PCMTD1: variants seen among roughly 807,000 people sequenced by gnomAD.
The protein encoded by PCMTD1 is protein-L-isoaspartate (D-aspartate) O-methyltransferase domain containing 1.
Under a neutral mutation model 37.6 loss-of-function variants are expected in PCMTD1, and 12 were observed. The observed-to-expected ratio is 0.32, with a 90% CI of 0.20 to 0.52. The LOEUF is 0.52. Among genes scored for constraint, PCMTD1 ranks in the 20% least tolerant of loss-of-function variants. The pLI is 0.97. For missense variants in PCMTD1, 235 were observed against 421.3 expected (o/e 0.56, Z 3.87); for synonymous variants, 117 against 135.8 (o/e 0.86, Z 0.96).
At chr8:51,883,762 A>C (rs564156352) in intron 1 of PCMTD1, among the ~76,000 whole-genome samples, 1 of 152,316 alleles carries the variant, frequency 6.6e-6, no homozygotes, top group South Asian at 2.1e-4. Flanking sequence ...CTGTGACAAA[A>C]GCAACAAAAT....
intron 5 of PCMTD1, among the ~76,000 whole-genome samples, chr8:51,825,917 AGTTCAACCATT>A (rs368531200): frequency 0.061 from 9,303 of 152,156 alleles, 378 homozygotes; most frequent in Non-Finnish European, 0.087. Context: ...AGTGTAAATT[AGTTCAACCATT>A]GTTCAACCAT....
intron 1 of PCMTD1, among the ~76,000 whole-genome samples, chr8:51,894,702 G>A (rs930574214): frequency 9.2e-5 from 14 of 151,826 alleles, no homozygotes; most frequent in Admixed American, 9.2e-4. Flanking sequence ...GACAAACCTA[G>A]AGATTAATGT....
At chr8:51,855,549 AC>A (rs1300812541) in intron 2 of PCMTD1, among the ~76,000 whole-genome samples, 1 of 129,642 alleles carries the variant, frequency 7.7e-6, no homozygotes, top group Non-Finnish European at 1.8e-5. Context: ...AAACAAACAA[AC>A]AAAAAATTCC....
chr8:51,881,635 C>A (rs1461984383), intron 1 of PCMTD1, among the ~76,000 whole-genome samples: 1 of 73,508 alleles, frequency 1.4e-5, no homozygotes, highest in Non-Finnish European at 5.7e-5. Context: ...TTAGTAGTTG[C>A]CTGGCATTCA....
chr8:51,821,059 C>T (rs1284576947), intron 5 of PCMTD1, among the ~76,000 whole-genome samples: 1 of 151,532 alleles, frequency 6.6e-6, no homozygotes, highest in Non-Finnish European at 1.5e-5. Flanking sequence ...TCCTGTGTAT[C>T]TTTTATACTT....
intron 1 of PCMTD1, chr8:51,895,934 ATTTCTTTTTTTTTTTT>A (rs2038994310): frequency 8.6e-6 from 1 of 116,670 alleles, no homozygotes; most frequent in South Asian, 2.7e-4. Context: ...TATTTGTCCC[ATTTCTTTTTTTTTTTT>A]TTTTTTTTTT....
intron 5 of PCMTD1, among the ~76,000 whole-genome samples, chr8:51,825,858 T>G (rs998172779): frequency 6.6e-6 from 1 of 152,134 alleles, no homozygotes; most frequent in African/African-American, 2.4e-5. Flanking sequence ...AAACAACAGA[T>G]GCTCGAGAGG....
intron 2 of PCMTD1, among the ~76,000 whole-genome samples, chr8:51,850,814 T>A (rs1368915393): frequency 1.3e-5 from 2 of 152,296 alleles, no homozygotes; most frequent in East Asian, 3.9e-4. Flanking sequence ...CTAATTTTAG[T>A]TAGATAAAAT....
intron 3 of PCMTD1, among the ~76,000 whole-genome samples, chr8:51,843,083 C>A (rs2038170538): frequency 6.6e-6 from 1 of 151,954 alleles, no homozygotes; most frequent in Non-Finnish European, 1.5e-5. Flanking sequence ...CTATTATCCA[C>A]AAACATCAAG....
At chr8:51,855,194 C>A (rs372532954) in intron 2 of PCMTD1, among the ~76,000 whole-genome samples, 460 of 89,166 alleles carry the variant, frequency 5.2e-3, no homozygotes, top group Middle Eastern at 0.019. Context: ...AAAAAACAAA[C>A]AAAAAAAAAA....
chr8:51,875,676 G>A (rs10958301), intron 1 of PCMTD1, among the ~76,000 whole-genome samples: 17,880 of 152,202 alleles, frequency 0.12, 1,290 homozygotes, highest in East Asian at 0.17. Context: ...AGTGGCTCAT[G>A]CCTATAATCT....
In PCMTD1 at chr8:51,898,985, G is replaced by A. The variant is rs1443040709; in HGVS notation, c.-151C>T. 5.3e-6 allele frequency: 8 copies of A among 1,502,846 alleles called. No individual in the cohort carries two copies. Among genetic ancestry groups the A allele is most frequent in the Non-Finnish European group, 7.1e-6 (8 of 1,132,708 alleles). 93.1% of individuals were successfully genotyped at this position (1,502,846 alleles called of 1,614,324 possible). A position where few individuals can be genotyped will look rare whatever the true frequency, so the allele number is the denominator to read the frequency against. On this transcript the variant is annotated 5_prime_UTR_variant, in exon 1 of 6. Transcript: ENST00000522514. ...GCGCTAGGACTCGGCGGGGTCCGCA[G>A]CAGCCAGACGCCGCTACCACCACAA...
chr8:51,857,401 T>C lies in PCMTD1; in HGVS notation c.307+3444A>G, dbSNP rs2038407184. Among the ~76,000 whole-genome samples the C allele has an allele frequency of 2.0e-5, 3 of 152,346 alleles. No individual in the cohort carries two copies. The South Asian group carries it at 6.2e-4, about 32-fold the overall frequency. On this transcript the variant is annotated intron_variant, in intron 2 of 5. Coordinates refer to ENST00000522514, the MANE Select transcript of PCMTD1 (RefSeq NM_052937.4). Reference sequence around the variant, plus strand: ...TACCTAGAATTTTTATATTATGGTTTATACAAGAAAATGAAAATGAATCCC... The same window carrying C: ...TACCTAGAATTTTTATATTATGGTTCATACAAGAAAATGAAAATGAATCCC...
At chr8:51,852,953 G>A (rs951413284) in intron 2 of PCMTD1, among the ~76,000 whole-genome samples, 10 of 152,204 alleles carry the variant, frequency 6.6e-5, no homozygotes, top group Non-Finnish European at 1.5e-4. Flanking sequence ...GAAACAGGAT[G>A]CAGGCACCAC....
chr8:51,851,808 G>A (rs7833777), intron 2 of PCMTD1, among the ~76,000 whole-genome samples: 104,399 of 151,898 alleles, frequency 0.69, 42,342 homozygotes, highest in Non-Finnish European at 0.9. Context: ...GAGCCACCAC[G>A]CCCGGCTAAT....
intron 3 of PCMTD1, among the ~76,000 whole-genome samples, chr8:51,839,886 T>G (rs1201927721): frequency 6.6e-6 from 1 of 152,176 alleles, no homozygotes; most frequent in African/African-American, 2.4e-5. Context: ...AATACACATT[T>G]TGAGTTTTAA....
Position 51,818,062 on chromosome 8 carries a change from T to C in PCMTD1, c.*2289A>G, listed in dbSNP as rs1168881149. On this transcript the variant is annotated 3_prime_UTR_variant, in exon 6 of 6. Coordinates refer to ENST00000522514, the MANE Select transcript of PCMTD1 (RefSeq NM_052937.4). ...TACTTTTCCACCTATAAAGCGTAAT[T>C]TTCCATATCAAGTAAACATAAATTC... 1 of 401,968 alleles carries C rather than the reference T, an allele frequency of 2.5e-6. No individual in the cohort carries two copies. The highest frequency in any genetic ancestry group is 4.9e-6 in the Non-Finnish European group (1 of 203,060). 24.9% of individuals were successfully genotyped at this position (401,968 alleles called of 1,614,324 possible). A position where few individuals can be genotyped will look rare whatever the true frequency, so the allele number is the denominator to read the frequency against.
Position 51,833,530 on chromosome 8 carries a change from A to G in PCMTD1, c.570T>C (p.Pro190=), listed in dbSNP as rs574439327. ...LLKVGGILVM[P]IEDQLTQIMR... is the part of the protein sequence containing the mutation. Reference sequence around the variant, plus strand: ...GAGTGGAAGTTACCTGATCCTCTATAGGCATGACTAATATGCCTCCAACTT... The same window carrying G: ...GAGTGGAAGTTACCTGATCCTCTATGGGCATGACTAATATGCCTCCAACTT... The change falls in exon 4 of 6, where the codon CCT becomes CCC. Residue 190 remains proline (P), a synonymous_variant. Coordinates refer to ENST00000522514, the MANE Select transcript of PCMTD1 (RefSeq NM_052937.4). 12 of 1,611,266 alleles carry G rather than the reference A, an allele frequency of 7.4e-6. No individual in the cohort carries two copies. In the African/African-American group the frequency reaches 1.5e-4, roughly 20 times the overall value.
rs2039055687 is a variant in PCMTD1, at chr8:51,899,007, A to T, written c.-173T>A. The T allele has an allele frequency of 1.3e-6, 2 of 1,513,118 alleles. No individual in the cohort carries two copies. Among genetic ancestry groups the T allele is most frequent in the African/African-American group, 1.4e-5 (1 of 70,794 alleles). 93.7% of individuals were successfully genotyped at this position (1,513,118 alleles called of 1,614,324 possible). A position where few individuals can be genotyped will look rare whatever the true frequency, so the allele number is the denominator to read the frequency against. On this transcript the variant is annotated 5_prime_UTR_variant, in exon 1 of 6. Transcript: ENST00000522514. ...GCAGCAGCCAGACGCCGCTACCACC[A>T]CAATAACAACACGGACGCCACCGCC...
Sources: allele counts gnomAD v4.1 joint callset (sites outside exome capture counted in the v4.1 genomes callset), GRCh38; gene constraint gnomAD v4.1.1; transcripts MANE v1.5; gene names NCBI Gene and HGNC (gene_info 2026-07-23, HGNC 2026-07-21).